Variants in MAOB observed in about 807,000 individuals in gnomAD.
MAOB encodes amine oxidase [flavin-containing] B.
In MAOB, 15 loss-of-function variants were observed where a neutral mutation model predicts 41.9. The observed-to-expected ratio is 0.36, with a 90% CI of 0.24 to 0.55. The LOEUF (loss-of-function observed/expected upper bound fraction) is 0.55. Among genes scored for constraint, MAOB ranks in the 20% least tolerant of loss-of-function variants. The pLI is 0.86. For synonymous variants in MAOB, 167 were observed against 144.2 expected (o/e 1.16, Z -1.13); for missense variants, 345 against 398.7 (o/e 0.87, Z 1.15).
chrX:43,850,363 C>G, intron 1 of MAOB: 7 of 748,931 alleles, frequency 9.3e-6, no homozygotes, highest in Non-Finnish European at 1.1e-5. Flanking sequence ...AGCCTTGGGA[C>G]TGTATCATTA....
At chrX:43,876,298 A>T (rs1445541363) in intron 1 of MAOB, among the ~76,000 whole-genome samples, 5 of 111,964 alleles carry the variant, frequency 4.5e-5, no homozygotes, top group Non-Finnish European at 1.9e-5. Flanking sequence ...TCCCTCAAAT[A>T]TTTTTAAGAA....
At chrX:43,838,192 G>T (rs1250185470) in intron 3 of MAOB, among the ~76,000 whole-genome samples, 2 of 111,707 alleles carry the variant, frequency 1.8e-5, no homozygotes, top group Non-Finnish European at 3.8e-5. Flanking sequence ...GAAAAATCAG[G>T]ACAAAGAGGT....
intron 1 of MAOB, among the ~76,000 whole-genome samples, chrX:43,857,478 C>A (rs962911707): frequency 9.1e-6 from 1 of 110,279 alleles, no homozygotes; most frequent in African/African-American, 3.3e-5. Context: ...CTGCTCCTGG[C>A]CACAAACTAC....
At chrX:43,803,818 T>A (rs1389234824) in intron 3 of MAOB, among the ~76,000 whole-genome samples, 1 of 110,613 alleles carries the variant, frequency 9.0e-6, no homozygotes, top group Non-Finnish European at 1.9e-5. Flanking sequence ...TAGAAGGGGA[T>A]CAAAAATCAA....
At chrX:43,778,461 C>T (rs1005730740) in intron 11 of MAOB, among the ~76,000 whole-genome samples, 2 of 111,601 alleles carry the variant, frequency 1.8e-5, no homozygotes, top group African/African-American at 6.5e-5. Context: ...ATCACCTAAA[C>T]CACAGCATAT....
chrX:43,863,876 T>C (rs1016541549), intron 1 of MAOB, among the ~76,000 whole-genome samples: 3 of 111,907 alleles, frequency 2.7e-5, no homozygotes, highest in Non-Finnish European at 5.6e-5. Flanking sequence ...TTTACTTCAA[T>C]TACAAGCTAA....
At chrX:43,778,908 T>A (rs993149881) in intron 10 of MAOB, among the ~76,000 whole-genome samples, 169 bp from the exon 11 acceptor site, 1 of 112,163 alleles carries the variant, frequency 8.9e-6, no homozygotes, top group Non-Finnish European at 1.9e-5. Context: ...ATTTCAGATG[T>A]CTTAAATCTT....
At chrX:43,827,785 A>G (rs1350451480) in intron 3 of MAOB, among the ~76,000 whole-genome samples, 2 of 112,145 alleles carry the variant, frequency 1.8e-5, no homozygotes, top group Admixed American at 9.4e-5. Context: ...GAGCTGGGCC[A>G]GGAGATTGGT....
At chrX:43,769,241 T>C in intron 13 of MAOB, 66 bp downstream of exon 13, 1 of 1,094,620 alleles carries the variant, frequency 9.1e-7, no homozygotes, top group Non-Finnish European at 1.2e-6. Context: ...CTCTCAGATA[T>C]CTTTGACCTA....
rs3027459 is a variant in MAOB, at chrX:43,802,030, C to T, written c.476+142G>A. ...GATATCTTCAGGGTAGGAGCCAATT[C>T]CAATGGTTTTCAGCATGCCACTGGC... On this transcript the variant is annotated intron_variant, in intron 5 of 14. Coordinates refer to ENST00000378069, the MANE Select transcript of MAOB (RefSeq NM_000898.5). 2,756 of 513,104 alleles carry T rather than the reference C, an allele frequency of 5.4e-3. 47 individuals are homozygous for T. In the African/African-American group the frequency reaches 0.056, roughly 10 times the overall value. 42.3% of individuals were successfully genotyped at this position (513,104 alleles called of 1,213,427 possible).
rs900730062 is a variant in MAOB, at chrX:43,793,346, T to A, written c.928+73A>T. 5.9e-6 allele frequency: 5 copies of A among 848,298 alleles called. No homozygotes were observed. In the African/African-American group the frequency reaches 6.3e-5, roughly 11 times the overall value. The allele number at this position is 848,298 out of a possible 1,213,427, so 69.9% of individuals were successfully genotyped here. A position where few individuals can be genotyped will look rare whatever the true frequency, so the allele number is the denominator to read the frequency against. On this transcript the variant is annotated intron_variant, in intron 8 of 14. Transcript: ENST00000378069. ...AATCTAAAATAAAAGTTGACATTTT[T>A]AAAAAATGCATGCCTTAGCAACAAG... is the stretch of plus-strand genomic sequence containing the variant.
At chrX:43,840,794 G>T (rs1229221090) in intron 2 of MAOB, among the ~76,000 whole-genome samples, 1 of 110,877 alleles carries the variant, frequency 9.0e-6, no homozygotes. Context: ...TTCACAACCC[G>T]CAGACCAGGA....
chrX:43,776,761 TC>T (rs2034264143), intron 11 of MAOB, among the ~76,000 whole-genome samples: 1 of 34,145 alleles, frequency 2.9e-5, no homozygotes, highest in African/African-American at 1.2e-4. Flanking sequence ...CCCTCCCCCC[TC>T]CCCCCACCCC....
At position 43,767,348 on chromosome X, in the gene MAOB, CA is replaced by C; in HGVS notation, c.*117del. 1.4e-6 allele frequency: 1 copy of C among 717,429 alleles called. No individual in the cohort carries two copies. The highest frequency in any genetic ancestry group is 3.6e-5 in the Admixed American group (1 of 27,483). The allele number at this position is 717,429 out of a possible 1,213,427, so 59.1% of individuals were successfully genotyped here. On this transcript the variant is annotated 3_prime_UTR_variant, in exon 15 of 15. Transcript: ENST00000378069. ...TTACAGTCAGAGTTGGATTTATCTT[CA>C]TGCTCCCCGCCTCACTCCACACTAT... is the stretch of plus-strand genomic sequence containing the variant.
At chrX:43,872,854 T>A (rs955010876) in intron 1 of MAOB, among the ~76,000 whole-genome samples, 3 of 112,212 alleles carry the variant, frequency 2.7e-5, no homozygotes, top group African/African-American at 9.7e-5. Context: ...GGAGTTCAAT[T>A]ATGGATGATT....
intron 2 of MAOB, among the ~76,000 whole-genome samples, chrX:43,841,571 A>G (rs2035137406): frequency 8.9e-6 from 1 of 112,055 alleles, no homozygotes; most frequent in Admixed American, 9.4e-5. Context: ...TTAAATTCAT[A>G]TGGAACTACA....
rs975986256 is a variant in MAOB at position 43,784,189 on chromosome X, C to T, written c.929-2645G>A. ...ATTGGAATCAACTTCTTCCAAACTC[C>T]TGTTAATGTTGATGTATTGACATCC... On this transcript the variant is annotated intron_variant, in intron 8 of 14. Coordinates refer to ENST00000378069, the MANE Select transcript of MAOB (RefSeq NM_000898.5). Among the ~76,000 whole-genome samples the T allele has an allele frequency of 4.4e-5, 5 of 112,363 alleles. No homozygotes were observed. The East Asian group carries it at 1.4e-3, about 31-fold the overall frequency.
intron 11 of MAOB, among the ~76,000 whole-genome samples, chrX:43,775,962 T>C (rs922779727): frequency 8.9e-6 from 1 of 112,658 alleles, no homozygotes; most frequent in Non-Finnish European, 1.9e-5. Context: ...AGGGAGATTT[T>C]GAAAAACATT....
At position 43,767,456 on chromosome X, in the gene MAOB, C is replaced by A; in HGVS notation, c.*10G>T. ...TAAGAAGAGAGTGTGATTACAGACA[C>A]CCTCTCTCTTTAGACTCTCACAAGT... On this transcript the variant is annotated 3_prime_UTR_variant, in exon 15 of 15. Coordinates refer to ENST00000378069, the MANE Select transcript of MAOB (RefSeq NM_000898.5). 8.3e-7 allele frequency: 1 copy of A among 1,203,113 alleles called. No individual in the cohort carries two copies. The highest frequency in any genetic ancestry group is 1.7e-5 in the African/African-American group (1 of 57,551).
Sources: gnomAD v4.1 joint callset for allele counts (sites outside exome capture counted in the v4.1 genomes callset) on GRCh38, gnomAD v4.1.1 for gene constraint, MANE v1.5 for transcripts, NCBI Gene and HGNC (gene_info 2026-07-23, HGNC 2026-07-21) for gene names.